Variants in MTUS2 observed in about 807,000 individuals in gnomAD.
The protein encoded by MTUS2 is microtubule-associated tumor suppressor candidate 2.
Under a neutral mutation model 114.1 loss-of-function variants are expected in MTUS2, and 40 were observed. The ratio of observed to expected loss-of-function variants is 0.35; its 90% CI spans 0.27 to 0.46. MTUS2 has a LOEUF of 0.46. Among genes scored for constraint, MTUS2 ranks in the 20% least tolerant of loss-of-function variants. The pLI, the probability that MTUS2 is intolerant of heterozygous loss-of-function variation, is 1.00. For synonymous variants in MTUS2, 688 were observed against 672.0 expected, an observed-to-expected ratio of 1.02 and a Z score of -0.37; for missense variants, 1,679 against 1,705.4, an observed-to-expected ratio of 0.98 and a Z score of 0.27.
intron 5 of MTUS2, among the ~76,000 whole-genome samples, chr13:29,167,243 C>T (rs1373429443): frequency 6.6e-6 from 1 of 151,950 alleles, no homozygotes; most frequent in East Asian, 1.9e-4. Flanking sequence ...GGTGTGGTTG[C>T]GGGCGCCTGT....
At chr13:29,171,525 T>C (rs1893562459) in intron 5 of MTUS2, among the ~76,000 whole-genome samples, 1 of 152,064 alleles carries the variant, frequency 6.6e-6, no homozygotes, top group Non-Finnish European at 1.5e-5. Flanking sequence ...GACCTATTAG[T>C]AGTGGTGGAG....
intron 2 of MTUS2, among the ~76,000 whole-genome samples, chr13:28,917,517 C>T: frequency 6.7e-6 from 1 of 150,212 alleles, no homozygotes; most frequent in East Asian, 1.9e-4. Context: ...GAATTTATCT[C>T]ATAGTAGCCA....
At chr13:29,478,625 G>T (rs758677312) in intron 9 of MTUS2, among the ~76,000 whole-genome samples, 2 of 152,024 alleles carry the variant, frequency 1.3e-5, no homozygotes, top group Non-Finnish European at 2.9e-5. Flanking sequence ...AAAAGCCAGG[G>T]TCTTTTAAAG....
At chr13:28,899,865 A>G (rs578009084) in intron 2 of MTUS2, among the ~76,000 whole-genome samples, 2 of 152,184 alleles carry the variant, frequency 1.3e-5, no homozygotes, top group East Asian at 3.9e-4. Context: ...TTGCTCAATT[A>G]AACTTTTTTA....
At chr13:29,457,633 C>T (rs1383319629) in intron 9 of MTUS2, among the ~76,000 whole-genome samples, 1 of 152,070 alleles carries the variant, frequency 6.6e-6, no homozygotes, top group Non-Finnish European at 1.5e-5. Flanking sequence ...TGTGGACATA[C>T]ATTTTCTCAT....
intron 2 of MTUS2, among the ~76,000 whole-genome samples, chr13:28,957,909 T>C (rs539060922): frequency 6.6e-4 from 101 of 152,374 alleles, no homozygotes; most frequent in African/African-American, 2.2e-3. Flanking sequence ...TAGCATTCTA[T>C]GTTTTGTGAT....
chr13:29,318,690 A>G (rs1900125200), intron 6 of MTUS2, among the ~76,000 whole-genome samples: 1 of 152,150 alleles, frequency 6.6e-6, no homozygotes, highest in Non-Finnish European at 1.5e-5. Context: ...TAAAATACAC[A>G]ATGGTGCTTC....
chr13:28,948,801 A>G (rs1882664631), intron 2 of MTUS2, among the ~76,000 whole-genome samples: 1 of 152,246 alleles, frequency 6.6e-6, no homozygotes, highest in East Asian at 1.9e-4. Flanking sequence ...GGGCCCCCAT[A>G]TGGCTGTATA....
intron 9 of MTUS2, among the ~76,000 whole-genome samples, chr13:29,469,534 G>A (rs887780526): frequency 6.6e-6 from 1 of 151,980 alleles, no homozygotes; most frequent in African/African-American, 2.4e-5. Flanking sequence ...GGCTGAGGCA[G>A]GAGAATGGCG....
rs984567023 is a variant in MTUS2 at position 29,358,938 on chromosome 13, A to G, written c.2906-324A>G. On this transcript the variant is annotated intron_variant, in intron 7 of 15. Transcript: ENST00000612955. ...ATTAATTTCCCATTAGACATTGTCA[A>G]AGAGTAATCTCCTTTAAGAAAAAAA... is the stretch of plus-strand genomic sequence containing the variant. Among the ~76,000 whole-genome samples the G allele has an allele frequency of 1.1e-4, 15 of 139,828 alleles. No individual in the cohort carries two copies. In the Admixed American group the frequency reaches 1.1e-3, roughly 10 times the overall value. 91.7% of individuals were successfully genotyped at this position (139,828 alleles called of 152,430 possible).
chr13:29,043,042 G>T, intron 4 of MTUS2, among the ~76,000 whole-genome samples: 1 of 151,992 alleles, frequency 6.6e-6, no homozygotes, highest in East Asian at 1.9e-4. Flanking sequence ...CTAGTTTCTT[G>T]AGGTGTGACC....
At chr13:28,856,146 A>G (rs1876612730) in intron 2 of MTUS2, among the ~76,000 whole-genome samples, 1 of 152,224 alleles carries the variant, frequency 6.6e-6, no homozygotes, top group Non-Finnish European at 1.5e-5. Context: ...CCCAGGCAGA[A>G]CAATTTTAGG....
chr13:29,115,551 T>C (rs1439683529), intron 5 of MTUS2, among the ~76,000 whole-genome samples: 1 of 152,246 alleles, frequency 6.6e-6, no homozygotes, highest in African/African-American at 2.4e-5. Context: ...TTAGTTCATC[T>C]TGTCAAAAAT....
chr13:28,909,751 A>C (rs1880285161), intron 2 of MTUS2, among the ~76,000 whole-genome samples: 1 of 152,200 alleles, frequency 6.6e-6, no homozygotes, highest in Non-Finnish European at 1.5e-5. Context: ...CCCTGTTTGC[A>C]GATGTCATGA....
At chr13:29,197,148 C>T (rs1894736730) in intron 5 of MTUS2, among the ~76,000 whole-genome samples, 1 of 152,092 alleles carries the variant, frequency 6.6e-6, no homozygotes. Context: ...GTTTGCCGCA[C>T]CCATCAACCC....
intron 8 of MTUS2, among the ~76,000 whole-genome samples, chr13:29,392,227 C>T (rs1873558647): frequency 6.6e-6 from 1 of 152,076 alleles, no homozygotes; most frequent in Admixed American, 6.6e-5. Context: ...TCCCCATTCC[C>T]CTCTTCCCGC....
chr13:29,305,753 T>C (rs548829846), intron 6 of MTUS2, among the ~76,000 whole-genome samples: 11 of 152,214 alleles, frequency 7.2e-5, no homozygotes, highest in Non-Finnish European at 1.0e-4. Flanking sequence ...TTTCAAAAAA[T>C]TGAAGAGGAG....
intron 8 of MTUS2, among the ~76,000 whole-genome samples, chr13:29,397,622 C>G (rs1013420182): frequency 2.0e-5 from 3 of 152,202 alleles, no homozygotes; most frequent in Non-Finnish European, 4.4e-5. Context: ...AATTACTTTA[C>G]TGGTAGTTTT....
At chr13:29,453,546 T>TGG (rs1878892292) in intron 9 of MTUS2, among the ~76,000 whole-genome samples, 1 of 152,120 alleles carries the variant, frequency 6.6e-6, no homozygotes, top group South Asian at 2.1e-4. Context: ...ACTGGTGGTC[T>TGG]GGGAGTTCGG....
Sources: allele counts gnomAD v4.1 joint callset (sites outside exome capture counted in the v4.1 genomes callset), GRCh38; gene constraint gnomAD v4.1.1; transcripts MANE v1.5; gene names NCBI Gene and HGNC (gene_info 2026-07-23, HGNC 2026-07-21).